Variants in REDIC1 observed in about 807,000 individuals in gnomAD.
REDIC1 encodes the protein regulator of DNA class I crossover intermediates 1.
the REDIC1 span, among the ~76,000 whole-genome samples, chr12:39,906,011 C>A: frequency 6.6e-6 from 1 of 151,996 alleles, no homozygotes; most frequent in South Asian, 2.1e-4. Flanking sequence ...ATTAAGAGGA[C>A]TCTCATAATC....
At chr12:39,692,226 G>T in the REDIC1 span, 1 of 1,015,862 alleles carries the variant, frequency 9.8e-7, no homozygotes, top group Non-Finnish European at 1.4e-6. Context: ...ATATATCATG[G>T]ATATTTTAGT....
At chr12:39,692,343 C>A in the REDIC1 span, among the ~76,000 whole-genome samples, 8 of 151,422 alleles carry the variant, frequency 5.3e-5, no homozygotes, top group Admixed American at 3.3e-4. Context: ...AAACAGATAA[C>A]CCTCATACTC....
the REDIC1 span, among the ~76,000 whole-genome samples, chr12:39,637,835 G>A: frequency 2.0e-5 from 3 of 152,038 alleles, no homozygotes; most frequent in South Asian, 2.1e-4. Flanking sequence ...CTCTTATTAC[G>A]GTTGTCTTAT....
At chr12:39,728,606 TG>T in the REDIC1 span, among the ~76,000 whole-genome samples, 4 of 152,182 alleles carry the variant, frequency 2.6e-5, no homozygotes, top group East Asian at 7.7e-4. Context: ...CCTGAAATTT[TG>T]TTTTTTTATT....
the REDIC1 span, among the ~76,000 whole-genome samples, chr12:39,824,924 G>C: frequency 6.6e-6 from 1 of 152,164 alleles, no homozygotes; most frequent in African/African-American, 2.4e-5. Context: ...AAAAGACATA[G>C]AGACAGGAAA....
the REDIC1 span, among the ~76,000 whole-genome samples, chr12:39,680,529 G>A: frequency 1.3e-5 from 2 of 152,110 alleles, no homozygotes; most frequent in African/African-American, 2.4e-5. Context: ...ACTGCTGGTG[G>A]GTATGTAAAC....
At chr12:39,760,953 A>ACACACACACACACACACACACACACACAC in the REDIC1 span, among the ~76,000 whole-genome samples, 6 of 101,516 alleles carry the variant, frequency 5.9e-5, no homozygotes, top group Middle Eastern at 4.7e-3. Flanking sequence ...GTCTCTACCA[A>ACACACACACACACACACACACACACACAC]ACACACACAC....
the REDIC1 span, among the ~76,000 whole-genome samples, chr12:39,784,942 A>G: frequency 2.0e-5 from 3 of 152,238 alleles, no homozygotes; most frequent in Middle Eastern, 3.2e-3. Flanking sequence ...GCAGCAAAGC[A>G]TTCAAAAAGT....
chr12:39,686,933 C>T, the REDIC1 span, among the ~76,000 whole-genome samples: 1 of 152,278 alleles, frequency 6.6e-6, no homozygotes, highest in East Asian at 1.9e-4. Context: ...TTCAGAGTTC[C>T]ACAGATCCCT....
chr12:39,791,100 A>C, the REDIC1 span, among the ~76,000 whole-genome samples: 1 of 150,180 alleles, frequency 6.7e-6, no homozygotes, highest in Admixed American at 6.7e-5. Context: ...GTTTGAGTTC[A>C]TTGTAGATTC....
chr12:39,650,310 A>G, the REDIC1 span: 2 of 1,611,800 alleles, frequency 1.2e-6, no homozygotes, highest in Non-Finnish European at 1.7e-6. This position sits in a 1 kb window ranked among gnomAD's most constrained non-coding sequence, Gnocchi z 4.3. Flanking sequence ...TCAGTCCATC[A>G]CATAAAACTA....
At chr12:39,634,531 T>C in the REDIC1 span, among the ~76,000 whole-genome samples, 1 of 152,134 alleles carries the variant, frequency 6.6e-6, no homozygotes, top group Non-Finnish European at 1.5e-5. Flanking sequence ...AAACAAGCAA[T>C]GGGGAAAGGA....
the REDIC1 span, among the ~76,000 whole-genome samples, chr12:39,892,812 A>C: frequency 6.6e-6 from 1 of 152,182 alleles, no homozygotes; most frequent in Non-Finnish European, 1.5e-5. Flanking sequence ...ATATTGACAG[A>C]AGATGAAAAG....
chr12:39,829,743 A>T, the REDIC1 span: 1 of 256,510 alleles, frequency 3.9e-6, no homozygotes, highest in Non-Finnish European at 7.7e-6. Flanking sequence ...TTGACTTTAC[A>T]GTTTTCTTTC....
the REDIC1 span, among the ~76,000 whole-genome samples, chr12:39,729,168 C>G: frequency 6.6e-5 from 10 of 152,080 alleles, no homozygotes; most frequent in Admixed American, 5.9e-4. Flanking sequence ...TTTAGTTCTG[C>G]TCTGATCTTA....
chr12:39,641,388 A>G, the REDIC1 span, among the ~76,000 whole-genome samples: 1 of 151,834 alleles, frequency 6.6e-6, no homozygotes, highest in African/African-American at 2.4e-5. Context: ...GCATGTATAT[A>G]CCTTACAACT....
the REDIC1 span, among the ~76,000 whole-genome samples, chr12:39,738,401 G>A: frequency 1.3e-5 from 2 of 152,258 alleles, no homozygotes; most frequent in South Asian, 2.1e-4. Flanking sequence ...TAAAAACTGA[G>A]AGAAGTTAAC....
the REDIC1 span, among the ~76,000 whole-genome samples, chr12:39,863,087 G>A: frequency 1.5e-4 from 23 of 152,106 alleles, no homozygotes; most frequent in Middle Eastern, 3.4e-3. Flanking sequence ...ACTGACTCCC[G>A]AAGGACACCT....
the REDIC1 span, among the ~76,000 whole-genome samples, chr12:39,885,421 T>A: frequency 6.6e-6 from 1 of 152,138 alleles, no homozygotes; most frequent in Non-Finnish European, 1.5e-5. Flanking sequence ...ACAGAGAGAA[T>A]CTCTGTACCA....
Sources: allele counts gnomAD v4.1 joint callset (sites outside exome capture counted in the v4.1 genomes callset), GRCh38; gene constraint gnomAD v4.1.1; non-coding constraint Gnocchi (gnomAD v3.1); transcripts MANE v1.5; gene names NCBI Gene and HGNC (gene_info 2026-07-23, HGNC 2026-07-21).